The following SCEL variants were observed in gnomAD, a reference collection of about 807,000 sequenced individuals.
SCEL encodes the protein sciellin.
Under a neutral mutation model 117.6 loss-of-function variants are expected in SCEL, and 113 were observed. That is an observed-to-expected ratio of 0.96 (90% CI 0.83 to 1.12). SCEL has a LOEUF of 1.12. Ranked by LOEUF, SCEL falls within the 50% of genes most tolerant of loss-of-function variation. SCEL has a pLI of 0.00. For synonymous variants in SCEL, 270 were observed against 256.2 expected, an observed-to-expected ratio of 1.05 and a Z score of -0.51; for missense variants, 785 against 810.8, an observed-to-expected ratio of 0.97 and a Z score of 0.39.
intron 9 of SCEL, among the ~76,000 whole-genome samples, chr13:77,572,922 A>G (rs1002241187): frequency 6.6e-6 from 1 of 152,208 alleles, no homozygotes; most frequent in Non-Finnish European, 1.5e-5. Flanking sequence ...GGCATCAGAC[A>G]GGGGTTCCAA....
At chr13:77,608,212 G>C (rs1369863147) in intron 20 of SCEL, 97 bp downstream of exon 20, 1 of 896,908 alleles carries the variant, frequency 1.1e-6, no homozygotes, top group Admixed American at 2.5e-5. Context: ...ATTGGGATCA[G>C]AAAGGCTGAA....
chr13:77,608,819 G>A (rs1338149109), intron 20 of SCEL, among the ~76,000 whole-genome samples: 3 of 152,006 alleles, frequency 2.0e-5, no homozygotes, highest in South Asian at 2.1e-4. Context: ...TTTTAATGGC[G>A]TCTTGCTCTA....
rs10565753 is a variant in SCEL, at chr13:77,573,638, C to CATCTATCTATCT, written c.545+1482_545+1493dup. Among the ~76,000 whole-genome samples, 204 of 149,868 alleles carry CATCTATCTATCT rather than the reference C, an allele frequency of 1.4e-3. 1 individual carries two copies. Among genetic ancestry groups the CATCTATCTATCT allele is most frequent in the Middle Eastern group, 3.4e-3 (1 of 292 alleles). ...GTTGCTTTTTTTATATCTGTCATTACATCTATCTATCTATCTATCTATCTA... is the reference window on the plus strand; with the variant it reads ...GTTGCTTTTTTTATATCTGTCATTACATCTATCTATCTATCTATCTATCTATCTATCTATCTA... On this transcript the variant is annotated intron_variant, in intron 9 of 32. Coordinates refer to ENST00000349847, the MANE Select transcript of SCEL (RefSeq NM_144777.3).
chr13:77,608,999 A>G, intron 20 of SCEL, 59 bp from the exon 21 acceptor site: 1 of 1,337,586 alleles, frequency 7.5e-7, no homozygotes, highest in Non-Finnish European at 1.0e-6. Flanking sequence ...TTAAATCAAA[A>G]CAGTCAATTG....
intron 17 of SCEL, 83 bp downstream of exon 17, chr13:77,602,796 T>C: frequency 5.0e-6 from 6 of 1,206,924 alleles, no homozygotes; most frequent in Non-Finnish European, 7.3e-6. Context: ...ACATCTTTGT[T>C]TGGCTTCTCT....
chr13:77,644,411 G>C lies in SCEL; in HGVS notation c.*137G>C. On this transcript the variant is annotated 3_prime_UTR_variant, in exon 33 of 33. Transcript: ENST00000349847. ...GTACAAAATTAACAATTCTGTTATT[G>C]CATAAGTAATCTAATTGTCTTCAAT... 1.2e-6 allele frequency: 1 copy of C among 825,708 alleles called. No homozygotes were observed. The highest frequency in any genetic ancestry group is 1.9e-6 in the Non-Finnish European group (1 of 518,506). The allele number at this position is 825,708 out of a possible 1,614,324, so 51.1% of individuals were successfully genotyped here. A position where few individuals can be genotyped will look rare whatever the true frequency, so the allele number is the denominator to read the frequency against.
intron 20 of SCEL, among the ~76,000 whole-genome samples, chr13:77,608,833 A>G (rs528444126): frequency 7.9e-5 from 12 of 152,120 alleles, no homozygotes; most frequent in Non-Finnish European, 1.6e-4. Flanking sequence ...TGCTCTAATT[A>G]TATGGTTTTA....
intron 10 of SCEL, among the ~76,000 whole-genome samples, chr13:77,589,813 A>G (rs1157392460): frequency 1.3e-5 from 2 of 152,168 alleles, no homozygotes; most frequent in African/African-American, 2.4e-5. Context: ...TGAATCAGGA[A>G]AAATAGACTT....
chr13:77,554,605 A>T (rs2084541540), intron 1 of SCEL, among the ~76,000 whole-genome samples: 1 of 152,232 alleles, frequency 6.6e-6, no homozygotes, highest in Non-Finnish European at 1.5e-5. Context: ...CTGTCCAATA[A>T]TACTGCCTTA....
At chr13:77,630,774 G>C (rs1049313229) in intron 28 of SCEL, among the ~76,000 whole-genome samples, 1 of 152,202 alleles carries the variant, frequency 6.6e-6, no homozygotes, top group African/African-American at 2.4e-5. Flanking sequence ...TGTATTTGTA[G>C]AGTCATTGCT....
At chr13:77,575,165 C>T (rs2085866538) in intron 9 of SCEL, among the ~76,000 whole-genome samples, 1 of 152,144 alleles carries the variant, frequency 6.6e-6, no homozygotes, top group Admixed American at 6.5e-5. Flanking sequence ...TGGAAAAAAT[C>T]AAGTTCAGAT....
chr13:77,643,765 A>G (rs927615029), intron 32 of SCEL, among the ~76,000 whole-genome samples: 2 of 151,840 alleles, frequency 1.3e-5, no homozygotes, highest in African/African-American at 2.4e-5. Context: ...AATTACAAGA[A>G]CATACCTAAT....
At chr13:77,536,013 T>A (rs926971138) in intron 1 of SCEL, among the ~76,000 whole-genome samples, 189 bp downstream of exon 1, 2 of 152,148 alleles carry the variant, frequency 1.3e-5, no homozygotes, top group East Asian at 3.8e-4. Context: ...TCACATTGCA[T>A]TGAACTTCTT....
In SCEL at chr13:77,602,531, C is replaced by A. The variant is rs76404439; in HGVS notation, c.978-123C>A. 6,372 of 740,486 alleles carry A rather than the reference C, an allele frequency of 8.6e-3. 248 individuals are homozygous for A. The African/African-American group carries it at 0.098, about 11-fold the overall frequency. 45.9% of individuals were successfully genotyped at this position (740,486 alleles called of 1,614,324 possible). A position where few individuals can be genotyped will look rare whatever the true frequency, so the allele number is the denominator to read the frequency against. ...TAAGTTAAGGATAATTACATCAAAG[C>A]TCTTTTTGGTCATTTGGTCCTGAAA... On this transcript the variant is annotated intron_variant, in intron 16 of 32. Transcript: ENST00000349847.
chr13:77,637,797 T>A (rs967066058), intron 30 of SCEL, among the ~76,000 whole-genome samples: 1 of 152,204 alleles, frequency 6.6e-6, no homozygotes, highest in South Asian at 2.1e-4. Flanking sequence ...TGACCCACTC[T>A]GGGCCCAAGC....
chr13:77,636,068 C>T (rs116564672), intron 29 of SCEL, among the ~76,000 whole-genome samples: 1 of 152,206 alleles, frequency 6.6e-6, no homozygotes, highest in Non-Finnish European at 1.5e-5. Context: ...GATTCGTTGC[C>T]TCCTGTACCT....
intron 27 of SCEL, among the ~76,000 whole-genome samples, chr13:77,618,644 C>T (rs143339415): frequency 8.2e-4 from 125 of 152,246 alleles, no homozygotes; most frequent in African/African-American, 2.7e-3. Context: ...TGAAATCAAT[C>T]GCACTATTTT....
At chr13:77,621,812 C>T (rs546003684) in intron 27 of SCEL, among the ~76,000 whole-genome samples, 121 of 152,296 alleles carry the variant, frequency 7.9e-4, no homozygotes, top group Non-Finnish European at 1.4e-3. Flanking sequence ...TTTCTTATGA[C>T]TGGTCTCCTT....
chr13:77,637,158 GA>G lies in SCEL; in HGVS notation c.1806del (p.Lys602AsnfsTer29). The G allele has an allele frequency of 6.4e-7, 1 of 1,558,336 alleles. No individual in the cohort carries two copies. The highest frequency in any genetic ancestry group is 8.7e-7 in the Non-Finnish European group (1 of 1,154,560). The stretch of plus-strand genomic sequence containing the variant: ...GATGGATATCAGGAGAATATCTCTG[GA>G]AAATACATACAAACTGTTTATTCAA... ...PKDGYQENIS[G>X]KYIQTVYSTS... On this transcript the variant is annotated frameshift_variant, in exon 30 of 33. Coordinates refer to ENST00000349847, the MANE Select transcript of SCEL (RefSeq NM_144777.3). LOFTEE classifies it high-confidence loss of function.
Sources: allele counts gnomAD v4.1 joint callset (sites outside exome capture counted in the v4.1 genomes callset), GRCh38; gene constraint gnomAD v4.1.1; transcripts MANE v1.5; gene names NCBI Gene and HGNC (gene_info 2026-07-23, HGNC 2026-07-21).